Variants in AVPR2 observed in about 807,000 individuals in gnomAD.
AVPR2 encodes the protein vasopressin V2 receptor.
AVPR2 carries 3 observed loss-of-function variants against 12.0 expected under a neutral mutation model. The observed-to-expected ratio is 0.25, with a 90% CI of 0.11 to 0.64. The LOEUF (loss-of-function observed/expected upper bound fraction) is 0.64, where lower values mean the gene tolerates loss of function less well. Ranked by LOEUF, AVPR2 falls within the 30% of genes least tolerant of loss-of-function variation. The pLI, the probability that AVPR2 is intolerant of heterozygous loss-of-function variation, is 0.84. For missense variants in AVPR2, 279 were observed against 347.9 expected, an observed-to-expected ratio of 0.80 and a Z score of 1.58; for synonymous variants, 143 against 147.5, an observed-to-expected ratio of 0.97 and a Z score of 0.22.
At position 153,906,244 on chromosome X, in the gene AVPR2, G is replaced by C. The variant is rs782083467; in HGVS notation, c.738G>C (p.Gly246=). The change falls in exon 3 of 4, where the codon GGG becomes GGC. Residue 246 remains glycine, a synonymous_variant. Transcript: ENST00000646375. ...CAGGGCCATCAGAGAGGCCTGGGGGGCGCCGCAGGGGACGCCGGACAGGCA... is the reference window on the plus strand; with the variant it reads ...CAGGGCCATCAGAGAGGCCTGGGGGCCGCCGCAGGGGACGCCGGACAGGCA... The part of the protein sequence containing the change: ...LVPGPSERPG[G]RRRGRRTGSP... The C allele has an allele frequency of 1.7e-6, 2 of 1,211,068 alleles. No homozygotes were observed. The highest frequency in any genetic ancestry group is 3.5e-5 in the African/African-American group (2 of 57,543).
In AVPR2 at chrX:153,905,986, G is replaced by A; in HGVS notation, c.480G>A (p.Val160=). The part of the protein sequence containing the change: ...HGSGAHWNRP[V]LVAWAFSLLL... ...GTGGGGCTCACTGGAACCGGCCGGT[G>A]CTAGTGGCTTGGGCCTTCTCGCTCC... Residue 160 remains valine (V), a synonymous_variant, in exon 3 of 4, where the codon GTG becomes GTA. Transcript: ENST00000646375. The A allele has an allele frequency of 5.8e-6, 7 of 1,206,025 alleles. No individual in the cohort carries two copies. Among genetic ancestry groups the A allele is most frequent in the Non-Finnish European group, 7.8e-6 (7 of 895,659 alleles).
upstream of AVPR2, among the ~76,000 whole-genome samples, chrX:153,903,894 A>C: frequency 4.6e-5 from 1 of 21,553 alleles, no homozygotes. Context: ...AACTACTGGG[A>C]TGGGGGCTGG....
intron 1 of AVPR2, 38 bp from the exon 2 acceptor site, chrX:153,904,936 C>T (rs782144511): frequency 7.7e-6 from 4 of 519,695 alleles, no homozygotes; most frequent in Non-Finnish European, 1.3e-5. Context: ...TCTGTGCATC[C>T]GTCTGTCTGA....
chrX:153,904,095 G>A (rs1410810744), upstream of AVPR2, among the ~76,000 whole-genome samples: 5 of 112,625 alleles, frequency 4.4e-5, no homozygotes, highest in East Asian at 8.4e-4. Context: ...GTGAGCACAC[G>A]GAGGTCCCCA....
upstream of AVPR2, among the ~76,000 whole-genome samples, chrX:153,903,643 T>C (rs1412806156): frequency 3.6e-5 from 4 of 111,349 alleles, no homozygotes; most frequent in Non-Finnish European, 7.6e-5. Flanking sequence ...CCACCCTGTG[T>C]TCCCACCACC....
Position 153,906,231 on chromosome X carries a change from A to C in AVPR2, c.725A>C (p.Glu242Ala), listed in dbSNP as rs1557100830. ...IHASLVPGPS[E>A]RPGGRRRGRR... ...GCCAGTCTGGTGCCAGGGCCATCAG[A>C]GAGGCCTGGGGGGCGCCGCAGGGGA... is the stretch of plus-strand genomic sequence containing the variant. Residue 242 changes from glutamate (E) to alanine (A), a missense_variant, in exon 3 of 4, where the codon GAG becomes GCG. Coordinates refer to ENST00000646375, the MANE Select transcript of AVPR2 (RefSeq NM_000054.7). The C allele has an allele frequency of 8.2e-7, 1 of 1,212,316 alleles. No individual in the cohort carries two copies. The highest frequency in any genetic ancestry group is 1.8e-5 in the South Asian group (1 of 57,057).
chrX:153,906,482 C>T (rs2064968650), intron 3 of AVPR2, 41 bp from the exon 4 acceptor site: 1 of 1,205,306 alleles, frequency 8.3e-7, no homozygotes, highest in Non-Finnish European at 1.1e-6. Context: ...CTGTGCCCCA[C>T]CAGCCATCCT....
rs140075460 is a variant in AVPR2, at chrX:153,906,658, C to T, written c.1046C>T (p.Pro349Leu). ...LLCCARGRTP[P>L]SLGPQDESCT... ...TGCTGTGCCCGGGGACGCACCCCAC[C>T]CAGCCTGGGTCCCCAAGATGAGTCC... Residue 349 changes from proline to leucine, a missense_variant, in exon 4 of 4, where the codon CCC (proline) becomes CTC (leucine). Coordinates refer to ENST00000646375, the MANE Select transcript of AVPR2 (RefSeq NM_000054.7). 8 of 1,209,212 alleles carry T rather than the reference C, an allele frequency of 6.6e-6. No homozygotes were observed. Among genetic ancestry groups the T allele is most frequent in the Admixed American group, 6.5e-5 (3 of 45,898 alleles).
chrX:153,906,222 G>A lies in AVPR2; in HGVS notation c.716G>A (p.Gly239Glu), dbSNP rs2064964889. 3 of 1,211,180 alleles carry A rather than the reference G, an allele frequency of 2.5e-6. No individual in the cohort carries two copies. The highest frequency in any genetic ancestry group is 2.3e-4 in the Middle Eastern group (1 of 4,354). Residue 239 changes from glycine (G) to glutamate (E), a missense_variant, in exon 3 of 4, where the codon GGG becomes GAG. Transcript: ENST00000646375. The part of the protein sequence containing the change: ...FREIHASLVP[G>E]PSERPGGRRR... ...GAGATTCATGCCAGTCTGGTGCCAG[G>A]GCCATCAGAGAGGCCTGGGGGGCGC...
Position 153,906,022 on chromosome X carries a change from GC to G in AVPR2, c.520del (p.Gln174SerfsTer38). The G allele has an allele frequency of 8.3e-7, 1 of 1,208,020 alleles. No homozygotes were observed. Reference sequence around the variant, plus strand: ...GGGCCTTCTCGCTCCTTCTCAGCCTGCCCCAGCTCTTCATCTTCGCCCAGCG... The same window carrying G: ...GGGCCTTCTCGCTCCTTCTCAGCCTGCCCAGCTCTTCATCTTCGCCCAGCG... ...AWAFSLLLSLPQLFIFAQRNV... is the reference protein window; with the variant it reads ...AWAFSLLLSLXQLFIFAQRNV... On this transcript the variant is annotated frameshift_variant, in exon 3 of 4. Transcript: ENST00000646375. LOFTEE classifies it high-confidence loss of function.
rs1557100954 is a variant in AVPR2, at chrX:153,906,401, G to A, written c.895G>A (p.Glu299Lys). The change falls in exon 3 of 4, where the codon GAG becomes AAG. Residue 299 changes from glutamate to lysine, a missense_variant. By Grantham distance (56) the Glu-to-Lys change is moderately conservative. Transcript: ENST00000646375. ...GCAGCTGTGGGCCGCGTGGGACCCG[G>A]AGGCACCTCTGGAAGGTGGGTGTAG... ...LVQLWAAWDP[E>K]APLEGAPFVL... 9 of 1,209,617 alleles carry A rather than the reference G, an allele frequency of 7.4e-6. No homozygotes were observed. Among genetic ancestry groups the A allele is most frequent in the Middle Eastern group, 2.3e-4 (1 of 4,338 alleles).
In AVPR2 at chrX:153,906,686, C is replaced by T. The variant is rs1557101140; in HGVS notation, c.1074C>T (p.Cys358=). ...GCCTGGGTCCCCAAGATGAGTCCTG[C>T]ACCACCGCCAGCTCCTCCCTGGCCA... ...PPSLGPQDES[C]TTASSSLAKD... is the part of the protein sequence containing the mutation. The change falls in exon 4 of 4, where the codon TGC becomes TGT. Residue 358 remains cysteine (C), a synonymous_variant. Transcript: ENST00000646375. The T allele has an allele frequency of 8.3e-7, 1 of 1,211,898 alleles. No homozygotes were observed. The highest frequency in any genetic ancestry group is 2.3e-4 in the Middle Eastern group (1 of 4,351).
chrX:153,904,074 G>A (rs2064947467), upstream of AVPR2, among the ~76,000 whole-genome samples: 1 of 112,636 alleles, frequency 8.9e-6, no homozygotes, highest in Non-Finnish European at 1.9e-5. Flanking sequence ...GTGTGTGGTG[G>A]GAGGGAGCCC....
rs376198408 is a variant in AVPR2, at chrX:153,906,443, C to T, written c.910+27C>T. 2.7e-5 allele frequency: 33 copies of T among 1,201,468 alleles called. No individual in the cohort carries two copies. The highest frequency in any genetic ancestry group is 2.3e-4 in the Middle Eastern group (1 of 4,322). The stretch of plus-strand genomic sequence containing the variant: ...TGGGTGTAGCCGTGGCTAGGGCTGA[C>T]GGGGCCACTTGGGCTTGGCCGCATG... On this transcript the variant is annotated intron_variant, in intron 3 of 3. Transcript: ENST00000646375.
At chrX:153,903,958 G>T (rs1022722838), upstream of AVPR2, among the ~76,000 whole-genome samples, 6 of 109,519 alleles carry the variant, frequency 5.5e-5, no homozygotes, top group African/African-American at 2.0e-4. Context: ...GAGGAGGAGG[G>T]CTCAGGTACA....
At position 153,906,682 on chromosome X, in the gene AVPR2, C is replaced by T. The variant is rs782201621; in HGVS notation, c.1070C>T (p.Ser357Phe). The change falls in exon 4 of 4, where the codon TCC (serine) becomes TTC (phenylalanine). Residue 357 changes from serine to phenylalanine, a missense_variant. By Grantham distance (155) the Ser-to-Phe change is radical. Coordinates refer to ENST00000646375, the MANE Select transcript of AVPR2 (RefSeq NM_000054.7). ...CCCAGCCTGGGTCCCCAAGATGAGT[C>T]CTGCACCACCGCCAGCTCCTCCCTG... ...TPPSLGPQDESCTTASSSLAK... is the reference protein window; with the variant it reads ...TPPSLGPQDEFCTTASSSLAK... 7.4e-6 allele frequency: 9 copies of T among 1,210,709 alleles called. No homozygotes were observed. The African/African-American group carries it at 1.6e-4, about 21-fold the overall frequency.
In AVPR2 at chrX:153,905,644, A is replaced by G. The variant is rs782757546; in HGVS notation, c.138A>G (p.Ile46Met). The change falls in exon 3 of 4, where the codon ATA becomes ATG. Residue 46 changes from isoleucine to methionine, a missense_variant. Coordinates refer to ENST00000646375, the MANE Select transcript of AVPR2 (RefSeq NM_000054.7). ...GGGCGGAGCTGGCGCTGCTCTCCAT[A>G]GTCTTTGTGGCTGTGGCCCTGAGCA... Reference protein sequence around the residue: ...LARAELALLSIVFVAVALSNG... With the variant: ...LARAELALLSMVFVAVALSNG... 5 of 1,211,238 alleles carry G rather than the reference A, an allele frequency of 4.1e-6. No homozygotes were observed. Among genetic ancestry groups the G allele is most frequent in the Non-Finnish European group, 5.6e-6 (5 of 895,219 alleles).
chrX:153,906,968 G>A lies in AVPR2; in HGVS notation c.*240G>A, dbSNP rs1205109566. 4.1e-6 allele frequency: 2 copies of A among 489,579 alleles called. No homozygotes were observed. The highest frequency in any genetic ancestry group is 2.6e-5 in the South Asian group (1 of 38,163). The allele number at this position is 489,579 out of a possible 1,213,427, so 40.3% of individuals were successfully genotyped here. ...TGGGGGCCCCTCAGGTCAGCTCACTGAGCTGGGTGTAGGAGGGGCTGCAGC... is the reference window on the plus strand; with the variant it reads ...TGGGGGCCCCTCAGGTCAGCTCACTAAGCTGGGTGTAGGAGGGGCTGCAGC... On this transcript the variant is annotated 3_prime_UTR_variant, in exon 4 of 4. Coordinates refer to ENST00000646375, the MANE Select transcript of AVPR2 (RefSeq NM_000054.7).
At chrX:153,905,325 AGGGCTG>A (rs1236639144) in intron 2 of AVPR2, among the ~76,000 whole-genome samples, 155 bp downstream of exon 2, 13 of 112,674 alleles carry the variant, frequency 1.2e-4, no homozygotes, top group East Asian at 2.8e-4. Context: ...CTTCCCCGCC[AGGGCTG>A]GGGCTGGGGC....
Sources: gnomAD v4.1 joint callset for allele counts (sites outside exome capture counted in the v4.1 genomes callset) on GRCh38, gnomAD v4.1.1 for gene constraint, MANE v1.5 for transcripts, NCBI Gene and HGNC (gene_info 2026-07-23, HGNC 2026-07-21) for gene names.